RHO: variants seen among roughly 807,000 people sequenced by gnomAD.
RHO encodes the protein opsin 2, rod pigment.
Under a neutral mutation model 31.2 loss-of-function variants are expected in RHO, and 21 were observed. That is an observed-to-expected ratio of 0.67 (90% CI 0.48 to 0.97). RHO has a LOEUF of 0.97. Ranked by LOEUF, RHO falls within the 50% of genes least tolerant of loss-of-function variation. The pLI is 0.00. For synonymous variants in RHO, 211 were observed against 196.6 expected (o/e 1.07, Z -0.61); for missense variants, 414 against 479.5 (o/e 0.86, Z 1.28).
Position 129,529,107 on chromosome 3 carries a change from T to C in RHO, c.361+13T>C, listed in dbSNP as rs1189010269. On this transcript the variant is annotated intron_variant, in intron 1 of 4. Transcript: ENST00000296271. ...GCCACCCTGGGCGGTATGAGCCGGG[T>C]GTGGGTGGGGTGTGCAGGAGCCCGG... The C allele has an allele frequency of 1.2e-6, 2 of 1,609,228 alleles. No homozygotes were observed. Among genetic ancestry groups the C allele is most frequent in the Non-Finnish European group, 1.7e-6 (2 of 1,177,778 alleles).
At position 129,532,974 on chromosome 3, in the gene RHO, G is replaced by A. The variant is rs1288268641; in HGVS notation, c.936+202G>A. On this transcript the variant is annotated intron_variant, in intron 4 of 4. Transcript: ENST00000296271. The surrounding 1 kb of genome is among the most constrained non-coding windows in gnomAD (Gnocchi z 5.5). ...CTGCTGAATCTCAGGGTGGGCCCAG[G>A]AACCTGCATTTCCAGCAAGCCCTCC... Among the ~76,000 whole-genome samples, 3 of 152,206 alleles carry A rather than the reference G, an allele frequency of 2.0e-5. No individual in the cohort carries two copies. Among genetic ancestry groups the A allele is most frequent in the Non-Finnish European group, 4.4e-5 (3 of 68,032 alleles).
At position 129,532,440 on chromosome 3, in the gene RHO, C is replaced by G. The variant is rs1378322146; in HGVS notation, c.696+24C>G. On this transcript the variant is annotated intron_variant, in intron 3 of 4. Coordinates refer to ENST00000296271, the MANE Select transcript of RHO (RefSeq NM_000539.3). The surrounding 1 kb of genome is among the most constrained non-coding windows in gnomAD (Gnocchi z 5.5). The stretch of plus-strand genomic sequence containing the variant: ...AGGTACGGGCCGGGGGGTGGGCGGC[C>G]TCACGGCTCTGAGGGTCCAGCCCCC... 40 of 1,613,930 alleles carry G rather than the reference C, an allele frequency of 2.5e-5. No homozygotes were observed. The highest frequency in any genetic ancestry group is 3.4e-5 in the Non-Finnish European group (40 of 1,180,020).
chr3:129,532,260 C>G lies in RHO; in HGVS notation c.540C>G (p.Pro180=). Residue 180 remains proline, a synonymous_variant, in exon 3 of 5, where the codon CCC becomes CCG. Coordinates refer to ENST00000296271, the MANE Select transcript of RHO (RefSeq NM_000539.3). This position sits in a 1 kb window ranked among gnomAD's most constrained non-coding sequence, Gnocchi z 5.5. Reference sequence around the variant, plus strand: ...ACCTGCCTGTCCTCAGGTACATCCCCGAGGGCCTGCAGTGCTCGTGTGGAA... The same window carrying G: ...ACCTGCCTGTCCTCAGGTACATCCCGGAGGGCCTGCAGTGCTCGTGTGGAA... ...PPLAGWSRYI[P]EGLQCSCGID... 1.2e-6 allele frequency: 2 copies of G among 1,614,000 alleles called. No homozygotes were observed. Among genetic ancestry groups the G allele is most frequent in the Non-Finnish European group, 1.7e-6 (2 of 1,179,938 alleles).
intron 2 of RHO, 110 bp downstream of exon 2, chr3:129,531,154 C>A: frequency 7.6e-7 from 1 of 1,318,832 alleles, no homozygotes; most frequent in Non-Finnish European, 1.1e-6. Context: ...TTGTATGTCT[C>A]CTGGCCCAAA....
chr3:129,531,195 A>G lies in RHO; in HGVS notation c.530+151A>G, dbSNP rs2084777953. 9 of 863,872 alleles carry G rather than the reference A, an allele frequency of 1.0e-5. No individual in the cohort carries two copies. In the Admixed American group the frequency reaches 1.9e-4, roughly 18 times the overall value. 53.5% of individuals were successfully genotyped at this position (863,872 alleles called of 1,614,324 possible). On this transcript the variant is annotated intron_variant, in intron 2 of 4. Coordinates refer to ENST00000296271, the MANE Select transcript of RHO (RefSeq NM_000539.3). Reference sequence around the variant, plus strand: ...ACTCAGGGTAGGGGTGTAGGGCAGAAGAAGAAACAGACTCTAATGTTGCTA... The same window carrying G: ...ACTCAGGGTAGGGGTGTAGGGCAGAGGAAGAAACAGACTCTAATGTTGCTA...
In RHO at chr3:129,528,669, G is replaced by A; in HGVS notation, c.-65G>A. The A allele has an allele frequency of 2.5e-6, 4 of 1,608,906 alleles. No individual in the cohort carries two copies. The East Asian group carries it at 9.0e-5, about 36-fold the overall frequency. ...CATCCAGCTGGAGCCCTGAGTGGCT[G>A]AGCTCAGGCCTTCGCAGCATTCTTG... On this transcript the variant is annotated 5_prime_UTR_variant, in exon 1 of 5. Transcript: ENST00000296271.
In RHO at chr3:129,533,712, G is replaced by A. The variant is rs779296525; in HGVS notation, c.1041G>A (p.Pro347=). ...AGACGGAGACGAGCCAGGTGGCCCC[G>A]GCCTAAGACCTGCCTAGGACTCTGT... The part of the protein sequence containing the change: ...VSKTETSQVA[P]A Residue 347 remains proline (P), a synonymous_variant, in exon 5 of 5, where the codon CCG becomes CCA. Coordinates refer to ENST00000296271, the MANE Select transcript of RHO (RefSeq NM_000539.3). 29 of 1,611,406 alleles carry A rather than the reference G, an allele frequency of 1.8e-5. No homozygotes were observed. Among genetic ancestry groups the A allele is most frequent in the East Asian group, 8.9e-5 (4 of 44,888 alleles).
Position 129,528,690 on chromosome 3 carries a change from T to G in RHO, c.-44T>G. The G allele has an allele frequency of 2.5e-6, 4 of 1,613,252 alleles. No homozygotes were observed. Among genetic ancestry groups the G allele is most frequent in the Non-Finnish European group, 3.4e-6 (4 of 1,179,960 alleles). On this transcript the variant is annotated 5_prime_UTR_variant, in exon 1 of 5. In the 5' UTR this introduces an upstream ATG that the reference lacks. Coordinates refer to ENST00000296271, the MANE Select transcript of RHO (RefSeq NM_000539.3). ...GGCTGAGCTCAGGCCTTCGCAGCAT[T>G]CTTGGGTGGGAGCAGCCACGGGTCA... is the stretch of plus-strand genomic sequence containing the variant.
rs1057522760 is a variant in RHO, at chr3:129,530,919, G to T, written c.405G>T (p.Arg135=). The change falls in exon 2 of 5, where the codon CGG becomes CGT. Residue 135 remains arginine (R), a synonymous_variant. Coordinates refer to ENST00000296271, the MANE Select transcript of RHO (RefSeq NM_000539.3). ...LWSLVVLAIE[R]YVVVCKPMSN... is the part of the protein sequence containing the mutation. The stretch of plus-strand genomic sequence containing the variant: ...CCTTGGTGGTCCTGGCCATCGAGCG[G>T]TACGTGGTGGTGTGTAAGCCCATGA... The T allele has an allele frequency of 6.2e-7, 1 of 1,614,272 alleles. No homozygotes were observed. The highest frequency in any genetic ancestry group is 8.5e-7 in the Non-Finnish European group (1 of 1,180,052).
intron 1 of RHO, among the ~76,000 whole-genome samples, chr3:129,530,545 C>CAA (rs1439550769): frequency 2.6e-5 from 4 of 151,356 alleles, no homozygotes; most frequent in African/African-American, 9.7e-5. Context: ...CACACACACA[C>CAA]ACACACACAC....
rs1488831597 is a variant in RHO, at chr3:129,532,693, T to C, written c.857T>C (p.Ile286Thr). 6.2e-7 allele frequency: 1 copy of C among 1,614,246 alleles called. No individual in the cohort carries two copies. Residue 286 changes from isoleucine to threonine, a missense_variant, in exon 4 of 5, where the codon ATC becomes ACC. Transcript: ENST00000296271. The surrounding 1 kb of genome is among the most constrained non-coding windows in gnomAD (Gnocchi z 5.5). ...FTHQGSNFGP[I>T]FMTIPAFFAK... is the part of the protein sequence containing the mutation. ...CACCAGGGCTCCAACTTCGGTCCCA[T>C]CTTCATGACCATCCCAGCGTTCTTT...
At position 129,534,631 on chromosome 3, in the gene RHO, T is replaced by A. The variant is rs959322448; in HGVS notation, c.*913T>A. 1 of 152,584 alleles carries A rather than the reference T, an allele frequency of 6.6e-6. No homozygotes were observed. The highest frequency in any genetic ancestry group is 2.4e-5 in the African/African-American group (1 of 41,432). 9.5% of individuals were successfully genotyped at this position (152,584 alleles called of 1,614,324 possible). A position where few individuals can be genotyped will look rare whatever the true frequency, so the allele number is the denominator to read the frequency against. The stretch of plus-strand genomic sequence containing the variant: ...GGGACGGTGAAGGCCAAGTTCCCAA[T>A]GAGGGTGAGATTGGGCCTGGGGTCT... On this transcript the variant is annotated 3_prime_UTR_variant, in exon 5 of 5. Transcript: ENST00000296271.
intron 4 of RHO, among the ~76,000 whole-genome samples, chr3:129,533,086 T>C (rs1159773161): frequency 6.6e-6 from 1 of 151,950 alleles, no homozygotes; most frequent in Non-Finnish European, 1.5e-5. Context: ...AGGACCCAAG[T>C]CGGGAATGGG....
rs104893786 is a variant in RHO, at chr3:129,528,777, A to G, written c.44A>G (p.Asn15Ser). ...EGPNFYVPFS[N>S]ATGVVRSPFE... The stretch of plus-strand genomic sequence containing the variant: ...CCTAACTTCTACGTGCCCTTCTCCA[A>G]TGCGACGGGTGTGGTACGCAGCCCC... The change falls in exon 1 of 5, where the codon AAT becomes AGT. Residue 15 changes from asparagine (N) to serine (S), a missense_variant. Transcript: ENST00000296271. 1.2e-6 allele frequency: 2 copies of G among 1,614,168 alleles called. No individual in the cohort carries two copies. Among genetic ancestry groups the G allele is most frequent in the Non-Finnish European group, 1.7e-6 (2 of 1,180,024 alleles).
intron 1 of RHO, 73 bp from the exon 2 acceptor site, chr3:129,530,802 CT>C: frequency 6.3e-7 from 1 of 1,592,976 alleles, no homozygotes; most frequent in Non-Finnish European, 8.6e-7. Context: ...TAGCTACCCT[CT>C]CCCTGTCTAG....
Position 129,528,973 on chromosome 3 carries a change from C to G in RHO, c.240C>G (p.Ala80=), listed in dbSNP as rs770941561. Reference sequence around the variant, plus strand: ...TCAACTACATCCTGCTCAACCTAGCCGTGGCTGACCTCTTCATGGTCCTAG... The same window carrying G: ...TCAACTACATCCTGCTCAACCTAGCGGTGGCTGACCTCTTCATGGTCCTAG... ...TPLNYILLNL[A]VADLFMVLGG... Residue 80 remains alanine, a synonymous_variant, in exon 1 of 5, where the codon GCC becomes GCG. Coordinates refer to ENST00000296271, the MANE Select transcript of RHO (RefSeq NM_000539.3). 9.9e-6 allele frequency: 16 copies of G among 1,614,122 alleles called. No homozygotes were observed. The highest frequency in any genetic ancestry group is 1.7e-5 in the Admixed American group (1 of 60,010).
At position 129,532,686 on chromosome 3, in the gene RHO, G is replaced by A. The variant is rs765350593; in HGVS notation, c.850G>A (p.Gly284Ser). Residue 284 changes from glycine to serine, a missense_variant, in exon 4 of 5, where the codon GGT (glycine) becomes AGT (serine). By Grantham distance (56) the Gly-to-Ser change is moderately conservative (BLOSUM62 0). Coordinates refer to ENST00000296271, the MANE Select transcript of RHO (RefSeq NM_000539.3). This position sits in a 1 kb window ranked among gnomAD's most constrained non-coding sequence, Gnocchi z 5.5. ...CTTCACCCACCAGGGCTCCAACTTC[G>A]GTCCCATCTTCATGACCATCCCAGC... ...YIFTHQGSNF[G>S]PIFMTIPAFF... 20 of 1,614,238 alleles carry A rather than the reference G, an allele frequency of 1.2e-5. No homozygotes were observed. The highest frequency in any genetic ancestry group is 3.3e-5 in the Admixed American group (2 of 60,028).
rs145248729 is a variant in RHO, at chr3:129,532,130, G to A, written c.531-121G>A. Reference sequence around the variant, plus strand: ...CATCCTGTCACCCAGCCATGCAGACGTTTATGATCCCCTTTTCCAGGGAGG... The same window carrying A: ...CATCCTGTCACCCAGCCATGCAGACATTTATGATCCCCTTTTCCAGGGAGG... On this transcript the variant is annotated intron_variant, in intron 2 of 4. Transcript: ENST00000296271. The surrounding 1 kb of genome is among the most constrained non-coding windows in gnomAD (Gnocchi z 5.5). 172 of 763,538 alleles carry A rather than the reference G, an allele frequency of 2.3e-4. 1 individual carries two copies. The East Asian group carries it at 4.2e-3, about 19-fold the overall frequency. 47.3% of individuals were successfully genotyped at this position (763,538 alleles called of 1,614,324 possible). A position where few individuals can be genotyped will look rare whatever the true frequency, so the allele number is the denominator to read the frequency against.
intron 1 of RHO, 55 bp from the exon 2 acceptor site, chr3:129,530,821 T>C: frequency 6.2e-7 from 1 of 1,605,406 alleles, no homozygotes; most frequent in Non-Finnish European, 8.5e-7. Context: ...TAGGGGGGAG[T>C]GCACCCTCCT....
Sources: gnomAD v4.1 joint callset for allele counts (sites outside exome capture counted in the v4.1 genomes callset) on GRCh38, gnomAD v4.1.1 for gene constraint, Gnocchi (gnomAD v3.1) non-coding constraint, MANE v1.5 for transcripts, NCBI Gene and HGNC (gene_info 2026-07-23, HGNC 2026-07-21) for gene names.